CDIN1: variants seen among roughly 807,000 people sequenced by gnomAD.
CDIN1 encodes CDAN1-interacting nuclease 1.
CDIN1 carries 33 observed loss-of-function variants against 45.3 expected under a neutral mutation model. The ratio of observed to expected loss-of-function variants is 0.73; its 90% confidence interval spans 0.55 to 0.97. The LOEUF is 0.97. Ranked by LOEUF, CDIN1 falls within the 50% of genes least tolerant of loss-of-function variation. The pLI is 0.00. For missense variants in CDIN1, 303 were observed against 339.4 expected (o/e 0.89, Z 0.84); for synonymous variants, 118 against 124.4 (o/e 0.95, Z 0.34).
At chr15:36,808,246 T>C (rs534271343) in intron 10 of CDIN1, 78 bp from the exon 11 acceptor site, 467 of 1,570,722 alleles carry the variant, frequency 3.0e-4, no homozygotes, top group Middle Eastern at 2.2e-3. Context: ...TTAATCATCT[T>C]ATCAGTGCCC....
At chr15:36,760,484 A>G (rs1236891525) in intron 10 of CDIN1, among the ~76,000 whole-genome samples, 1 of 152,242 alleles carries the variant, frequency 6.6e-6, no homozygotes, top group Non-Finnish European at 1.5e-5. Flanking sequence ...TAGCTTGCAC[A>G]TATGCGTTTG....
rs375873778 is a variant in CDIN1 at position 36,639,264 on chromosome 15, GAAA to G, written c.102-5007_102-5005del. ...TAACAATGGATTGAAAATATTTGGGGAAAAAAAAAGCAATAAAAGTAACACTAC... is the reference window on the plus strand; with the variant it reads ...TAACAATGGATTGAAAATATTTGGGGAAAAAAGCAATAAAAGTAACACTAC... On this transcript the variant is annotated intron_variant, in intron 1 of 10. Transcript: ENST00000566621. 3.3e-5 allele frequency among the ~76,000 whole-genome samples: 5 copies of G among 151,326 alleles called. 1 individual carries two copies. Among genetic ancestry groups the G allele is most frequent in the South Asian group, 4.2e-4 (2 of 4,760 alleles).
intron 1 of CDIN1, among the ~76,000 whole-genome samples, chr15:36,602,714 T>G (rs2038166178): frequency 5.3e-5 from 8 of 152,214 alleles, no homozygotes; most frequent in Admixed American, 5.2e-4. Context: ...GGCTCACGCC[T>G]GTAATCCCAG....
intron 1 of CDIN1, chr15:36,618,344 T>C (rs772050655): frequency 4.1e-5 from 28 of 678,926 alleles, no homozygotes; most frequent in Middle Eastern, 2.9e-4. Flanking sequence ...TAACTGGGGA[T>C]TAGGAGCAAA....
intron 1 of CDIN1, among the ~76,000 whole-genome samples, chr15:36,615,661 A>G (rs2038853841): frequency 6.6e-6 from 1 of 152,228 alleles, no homozygotes; most frequent in Non-Finnish European, 1.5e-5. Flanking sequence ...TCCTAGCCCA[A>G]AGCAATTCTA....
intron 5 of CDIN1, among the ~76,000 whole-genome samples, chr15:36,664,017 T>G (rs2041133797): frequency 6.6e-6 from 1 of 152,182 alleles, no homozygotes; most frequent in Non-Finnish European, 1.5e-5. Context: ...AACTACGGTT[T>G]ACAATGAAAG....
chr15:36,786,470 A>G (rs911579405), intron 10 of CDIN1, among the ~76,000 whole-genome samples: 6 of 151,972 alleles, frequency 3.9e-5, no homozygotes, highest in African/African-American at 1.5e-4. Context: ...CATTGTGACA[A>G]TCTCTCATTT....
intron 3 of CDIN1, among the ~76,000 whole-genome samples, chr15:36,645,820 G>C (rs182589642): frequency 1.3e-5 from 2 of 152,048 alleles, no homozygotes; most frequent in African/African-American, 4.8e-5. Flanking sequence ...AGTGTATAAC[G>C]GTCACATTTT....
chr15:36,617,569 G>C (rs2038953122), intron 1 of CDIN1: 3 of 790,426 alleles, frequency 3.8e-6, no homozygotes, highest in Non-Finnish European at 4.6e-6. Flanking sequence ...TGTTAACATG[G>C]AAGAAATAAA....
chr15:36,649,397 A>T (rs2040483975), intron 3 of CDIN1, among the ~76,000 whole-genome samples: 2 of 152,172 alleles, frequency 1.3e-5, no homozygotes, highest in South Asian at 4.1e-4. Flanking sequence ...TCCATTCCTG[A>T]TGCCTATTTG....
intron 1 of CDIN1, among the ~76,000 whole-genome samples, chr15:36,603,854 A>G (rs988678833): frequency 1.3e-5 from 2 of 152,212 alleles, no homozygotes; most frequent in African/African-American, 4.8e-5. Context: ...ATTAAACATT[A>G]TTTTAAAAAC....
intron 5 of CDIN1, among the ~76,000 whole-genome samples, chr15:36,682,767 C>CAAAAAAAAAAAAA (rs10706117): frequency 6.5e-5 from 4 of 61,380 alleles, no homozygotes; most frequent in Non-Finnish European, 1.3e-4. Context: ...AAGACCCTGC[C>CAAAAAAAAAAAAA]AAAAAAAAAA....
intron 1 of CDIN1, among the ~76,000 whole-genome samples, chr15:36,611,439 G>T (rs1296581796): frequency 6.6e-6 from 1 of 152,160 alleles, no homozygotes; most frequent in African/African-American, 2.4e-5. Flanking sequence ...TATTTCAAGA[G>T]GCTTCCAAAT....
At position 36,648,413 on chromosome 15, in the gene CDIN1, G is replaced by A. The variant is rs113513667; in HGVS notation, c.212+3126G>A. On this transcript the variant is annotated intron_variant, in intron 3 of 10. Coordinates refer to ENST00000566621, the MANE Select transcript of CDIN1 (RefSeq NM_001321759.2). Reference sequence around the variant, plus strand: ...AATTATTCCTTTGTCGAGCATATATGTTTCCAATATTCTATTTTTTTTTTT... The same window carrying A: ...AATTATTCCTTTGTCGAGCATATATATTTCCAATATTCTATTTTTTTTTTT... Among the ~76,000 whole-genome samples the A allele has an allele frequency of 6.5e-3, 891 of 136,700 alleles. 7 individuals carry two copies. Among genetic ancestry groups the A allele is most frequent in the African/African-American group, 0.022 (827 of 37,012 alleles). 89.7% of individuals were successfully genotyped at this position (136,700 alleles called of 152,430 possible).
intron 10 of CDIN1, chr15:36,790,354 A>G (rs1377687488): frequency 6.6e-6 from 1 of 152,222 alleles, no homozygotes; most frequent in African/African-American, 2.4e-5. Flanking sequence ...GTGTTAACCT[A>G]AAAGGTAAGG....
At chr15:36,727,597 T>C (rs544325644) in intron 10 of CDIN1, among the ~76,000 whole-genome samples, 3 of 152,334 alleles carry the variant, frequency 2.0e-5, no homozygotes, top group Admixed American at 1.3e-4. Context: ...TGATAGATGA[T>C]CTAATAATTG....
At chr15:36,765,752 A>G (rs1320056567) in intron 10 of CDIN1, among the ~76,000 whole-genome samples, 1 of 152,196 alleles carries the variant, frequency 6.6e-6, no homozygotes, top group Non-Finnish European at 1.5e-5. Context: ...CAAAAATTGT[A>G]TCTATTTAAT....
chr15:36,617,620 A>C, intron 1 of CDIN1: 2 of 772,480 alleles, frequency 2.6e-6, no homozygotes, highest in Non-Finnish European at 4.8e-6. Context: ...TGAAGTGTTA[A>C]GTTCTTCTCC....
At chr15:36,628,590 A>C (rs757009281) in intron 1 of CDIN1, among the ~76,000 whole-genome samples, 1 of 152,146 alleles carries the variant, frequency 6.6e-6, no homozygotes, top group Non-Finnish European at 1.5e-5. Context: ...TGGGAGTTTG[A>C]GATGATGCTT....
Sources: allele counts gnomAD v4.1 joint callset (sites outside exome capture counted in the v4.1 genomes callset), GRCh38; gene constraint gnomAD v4.1.1; transcripts MANE v1.5; gene names NCBI Gene and HGNC (gene_info 2026-07-23, HGNC 2026-07-21).